CHIC2: variants seen among roughly 807,000 people sequenced by gnomAD.
CHIC2 encodes cysteine-rich hydrophobic domain-containing protein 2.
Under a neutral mutation model 25.9 loss-of-function variants are expected in CHIC2, and 14 were observed. The ratio of observed to expected loss-of-function variants is 0.54; its 90% CI spans 0.36 to 0.85. CHIC2 has a LOEUF of 0.85. Among genes scored for constraint, CHIC2 ranks in the 40% least tolerant of loss-of-function variants. The pLI is 0.01. For synonymous variants in CHIC2, 70 were observed against 72.0 expected, an observed-to-expected ratio of 0.97 and a Z score of 0.14; for missense variants, 146 against 202.0, an observed-to-expected ratio of 0.72 and a Z score of 1.68.
upstream of CHIC2, chr4:54,065,285 A>G: frequency 2.0e-6 from 2 of 984,100 alleles, no homozygotes; most frequent in Non-Finnish European, 2.4e-6. Context: ...CATGCTATGA[A>G]AAAAAACTGA....
At chr4:54,021,401 T>A (rs565264671) in intron 3 of CHIC2, among the ~76,000 whole-genome samples, 1 of 152,118 alleles carries the variant, frequency 6.6e-6, no homozygotes, top group South Asian at 2.1e-4. Flanking sequence ...AAGCTCTGAG[T>A]CCTTTGAATC....
intron 3 of CHIC2, among the ~76,000 whole-genome samples, chr4:54,040,201 A>G (rs1258300082): frequency 6.6e-6 from 1 of 152,202 alleles, no homozygotes; most frequent in Non-Finnish European, 1.5e-5. Context: ...CTGTATATTA[A>G]AAAACAATTT....
intron 3 of CHIC2, among the ~76,000 whole-genome samples, chr4:54,022,702 C>T (rs187145458): frequency 5.9e-5 from 9 of 152,148 alleles, no homozygotes; most frequent in African/African-American, 1.9e-4. Flanking sequence ...CGCACAGGTA[C>T]GGGACACCTC....
At chr4:54,019,979 A>G (rs540760087) in intron 3 of CHIC2, among the ~76,000 whole-genome samples, 4 of 152,344 alleles carry the variant, frequency 2.6e-5, no homozygotes, top group South Asian at 4.1e-4. Flanking sequence ...AAAACTGTTC[A>G]TAAGACAAAG....
chr4:54,030,561 C>CACACACACAT (rs112490202), intron 3 of CHIC2, among the ~76,000 whole-genome samples: 56,820 of 144,370 alleles, frequency 0.39, 12,202 homozygotes, highest in African/African-American at 0.55. Context: ...TGTATACACA[C>CACACACACAT]ACACACACAC....
chr4:54,065,338 C>T, upstream of CHIC2: 1 of 984,506 alleles, frequency 1.0e-6, no homozygotes, highest in Non-Finnish European at 1.2e-6. Context: ...GTTTCTTGCC[C>T]CAACTCTCTC....
intron 3 of CHIC2, among the ~76,000 whole-genome samples, chr4:54,023,343 T>G (rs995349292): frequency 9.9e-5 from 15 of 152,136 alleles, no homozygotes; most frequent in Admixed American, 6.5e-5. Flanking sequence ...TCACAAACTA[T>G]GCTCAACTCA....
the CHIC2 span, among the ~76,000 whole-genome samples, chr4:54,069,834 T>A: frequency 6.6e-6 from 1 of 152,230 alleles, no homozygotes; most frequent in Non-Finnish European, 1.5e-5. Flanking sequence ...TTCAACAAAT[T>A]TGCATTGAAT....
At chr4:54,042,139 G>GT (rs1364994542) in intron 3 of CHIC2, among the ~76,000 whole-genome samples, 1 of 151,918 alleles carries the variant, frequency 6.6e-6, no homozygotes, top group East Asian at 1.9e-4. Context: ...TTATGTAATA[G>GT]TTTACACCCA....
At chr4:54,044,377 C>A (rs1163014186) in intron 3 of CHIC2, among the ~76,000 whole-genome samples, 1 of 152,188 alleles carries the variant, frequency 6.6e-6, no homozygotes, top group Non-Finnish European at 1.5e-5. Flanking sequence ...CACACCTATT[C>A]CAAAACTGAC....
intron 1 of CHIC2, chr4:54,060,247 A>C (rs1474411906): frequency 1.3e-5 from 2 of 152,194 alleles, no homozygotes; most frequent in Non-Finnish European, 2.9e-5. Context: ...TCACATTTCT[A>C]AATCTTTAAT....
intron 3 of CHIC2, among the ~76,000 whole-genome samples, chr4:54,037,250 G>A (rs945460988): frequency 2.0e-5 from 3 of 152,084 alleles, no homozygotes; most frequent in Non-Finnish European, 2.9e-5. Flanking sequence ...TTGGGAGGCC[G>A]AGGTAGGAGG....
At chr4:54,075,035 A>G in the CHIC2 span, among the ~76,000 whole-genome samples, 69 of 152,308 alleles carry the variant, frequency 4.5e-4, no homozygotes, top group Middle Eastern at 0.014. Context: ...CACTTGAGCC[A>G]GGGAGATCAA....
chr4:54,087,883 A>G, the CHIC2 span: 2 of 261,140 alleles, frequency 7.7e-6, no homozygotes, highest in East Asian at 1.6e-4. Context: ...TAACATTGTT[A>G]ATGTAAAACA....
chr4:54,023,287 C>T (rs560980706), intron 3 of CHIC2, among the ~76,000 whole-genome samples: 3 of 152,232 alleles, frequency 2.0e-5, no homozygotes, highest in Admixed American at 6.5e-5. Context: ...ATCATGTCTC[C>T]GTGCAGAGGC....
intron 3 of CHIC2, 89 bp downstream of exon 3, chr4:54,048,866 T>G: frequency 9.3e-7 from 1 of 1,078,608 alleles, no homozygotes; most frequent in Non-Finnish European, 1.3e-6. Flanking sequence ...GATAGTGTGA[T>G]TCATTCAATA....
At chr4:54,078,366 A>C in the CHIC2 span, among the ~76,000 whole-genome samples, 1 of 152,222 alleles carries the variant, frequency 6.6e-6, no homozygotes, top group African/African-American at 2.4e-5. Flanking sequence ...GAACAGTTCC[A>C]CAATCTTTTC....
At chr4:54,053,327 C>T (rs1263507422) in intron 1 of CHIC2, among the ~76,000 whole-genome samples, 1 of 152,114 alleles carries the variant, frequency 6.6e-6, no homozygotes, top group Admixed American at 6.6e-5. Flanking sequence ...GAGGCCAAGG[C>T]AGGTGGATCA....
intron 3 of CHIC2, among the ~76,000 whole-genome samples, chr4:54,045,046 C>T (rs1216855180): frequency 6.6e-6 from 1 of 152,100 alleles, no homozygotes; most frequent in African/African-American, 2.4e-5. Flanking sequence ...CTACAAAATC[C>T]AGAAGAAATG....
Sources: allele counts gnomAD v4.1 joint callset (sites outside exome capture counted in the v4.1 genomes callset), GRCh38; gene constraint gnomAD v4.1.1; transcripts MANE v1.5; gene names NCBI Gene and HGNC (gene_info 2026-07-23, HGNC 2026-07-21).